DNAH11: variants seen among roughly 807,000 people sequenced by gnomAD.
DNAH11 encodes the protein axonemal beta dynein heavy chain 11.
A neutral mutation model predicts 526.0 loss-of-function variants in DNAH11; 442 were observed. That is an observed-to-expected ratio of 0.84 (90% CI 0.78 to 0.91). The LOEUF is 0.91. Ranked by LOEUF, DNAH11 falls within the 40% of genes least tolerant of loss-of-function variation. The pLI, the probability that DNAH11 is intolerant of heterozygous loss-of-function variation, is 0.00. For missense variants in DNAH11, 6,989 were observed against 5,448.7 expected (o/e 1.28, Z -8.90); for synonymous variants, 2,461 against 1,935.9 (o/e 1.27, Z -7.12).
intron 5 of DNAH11, among the ~76,000 whole-genome samples, chr7:21,562,622 G>T (rs931086112): frequency 6.6e-6 from 1 of 152,078 alleles, no homozygotes; most frequent in Non-Finnish European, 1.5e-5. Flanking sequence ...AAGGAAGAAA[G>T]CTCTTCTCAA....
chr7:21,811,013 C>G (rs922666686), intron 63 of DNAH11, among the ~76,000 whole-genome samples: 2 of 152,138 alleles, frequency 1.3e-5, no homozygotes, highest in African/African-American at 4.8e-5. Context: ...TCACATTAGC[C>G]AAAAGATGGA....
At position 21,763,116 on chromosome 7, in the gene DNAH11, GGTGGATCACGAGGTCA is replaced by G. The variant is rs903755955; in HGVS notation, c.8941-2310_8941-2295del. 3.9e-5 allele frequency among the ~76,000 whole-genome samples: 6 copies of G among 152,088 alleles called. 1 individual carries two copies. Among genetic ancestry groups the G allele is most frequent in the African/African-American group, 1.4e-4 (6 of 41,420 alleles). ...CCCAGCACTTTGAGATGCTGAGGCA[GGTGGATCACGAGGTCA>G]GGAGTTTGACACCAGCCTGGCCAAC... On this transcript the variant is annotated intron_variant, in intron 54 of 81. Transcript: ENST00000409508.
At chr7:21,683,726 TAAC>T in intron 31 of DNAH11, 55 bp from the exon 32 acceptor site, 1 of 1,473,414 alleles carries the variant, frequency 6.8e-7, no homozygotes. Context: ...ATTAGATTAA[TAAC>T]TTGTTGCCCC....
At chr7:21,751,031 A>G (rs1460416333) in intron 54 of DNAH11, among the ~76,000 whole-genome samples, 1 of 152,106 alleles carries the variant, frequency 6.6e-6, no homozygotes, top group African/African-American at 2.4e-5. Flanking sequence ...TTTAGAAGTA[A>G]CACTCAGATG....
chr7:21,750,132 G>C (rs910599730), intron 53 of DNAH11, 90 bp from the exon 54 acceptor site: 69 of 1,423,698 alleles, frequency 4.8e-5, no homozygotes, highest in Admixed American at 2.5e-4. Flanking sequence ...GCTGAACTTT[G>C]TCTTGTAAAA....
chr7:21,776,434 A>G (rs1447375579), intron 56 of DNAH11, among the ~76,000 whole-genome samples: 2 of 152,218 alleles, frequency 1.3e-5, no homozygotes, highest in Non-Finnish European at 2.9e-5. Flanking sequence ...ATCAGGTTGT[A>G]TGGAGAGCGT....
Position 21,749,781 on chromosome 7 carries a change from T to C in DNAH11, c.8777T>C (p.Ile2926Thr), listed in dbSNP as rs139760707. The change falls in exon 53 of 82, where the codon ATT (isoleucine) becomes ACT (threonine). Residue 2926 changes from isoleucine to threonine, a missense_variant. Physicochemically the swap from Ile to Thr is moderately conservative, Grantham distance 89. Coordinates refer to ENST00000409508, the MANE Select transcript of DNAH11 (RefSeq NM_001277115.2). Reference protein sequence around the residue: ...QVLDESFLVLINDLLASGEIP... With the variant: ...QVLDESFLVLTNDLLASGEIP... ...CTAGATGAGAGCTTCCTCGTGCTGATTAATGACTTGCTGGCATCAGGTGAT... is the reference window on the plus strand; with the variant it reads ...CTAGATGAGAGCTTCCTCGTGCTGACTAATGACTTGCTGGCATCAGGTGAT... 1.2e-6 allele frequency: 2 copies of C among 1,613,936 alleles called. No individual in the cohort carries two copies. Among genetic ancestry groups the C allele is most frequent in the African/African-American group, 2.7e-5 (2 of 75,056 alleles).
At chr7:21,842,197 A>T (rs1442337982) in intron 65 of DNAH11, among the ~76,000 whole-genome samples, 1 of 152,226 alleles carries the variant, frequency 6.6e-6, no homozygotes, top group Non-Finnish European at 1.5e-5. Context: ...TTAAAGTCAC[A>T]GTTTGCAAGT....
intron 25 of DNAH11, among the ~76,000 whole-genome samples, chr7:21,621,259 A>G (rs1786040802): frequency 6.6e-6 from 1 of 152,220 alleles, no homozygotes; most frequent in Admixed American, 6.5e-5. Flanking sequence ...ACACCCTCCC[A>G]AGACTAAACC....
In DNAH11 at chr7:21,683,510, A is replaced by AT. The variant is rs35803309; in HGVS notation, c.5461-273dup. Among the ~76,000 whole-genome samples, 18,915 of 152,238 alleles carry AT rather than the reference A, an allele frequency of 0.12. 1,473 individuals are homozygous for AT. The highest frequency in any genetic ancestry group is 0.22 in the African/African-American group (9,061 of 41,514). ...AGTATAAAGTTACAAGATTTATCTA[A>AT]TCCCCTGGGGTGATTCATAAAAGAG... On this transcript the variant is annotated intron_variant, in intron 31 of 81. Transcript: ENST00000409508.
At chr7:21,674,592 C>A (rs1261720546) in intron 30 of DNAH11, among the ~76,000 whole-genome samples, 1 of 152,176 alleles carries the variant, frequency 6.6e-6, no homozygotes, top group Non-Finnish European at 1.5e-5. Context: ...CTCCTAGCCT[C>A]AAGTGATCCA....
intron 65 of DNAH11, among the ~76,000 whole-genome samples, chr7:21,821,961 T>G (rs9638792): frequency 0.42 from 62,977 of 151,550 alleles, 13,995 homozygotes; most frequent in East Asian, 0.81. Context: ...AAATGCCATA[T>G]TTTTCTTTCT....
At chr7:21,790,641 C>T (rs148677392) in intron 61 of DNAH11, among the ~76,000 whole-genome samples, 1,924 of 152,126 alleles carry the variant, frequency 0.013, 43 homozygotes, top group African/African-American at 0.044. Flanking sequence ...GAAGGTGGAT[C>T]GACATGGGCT....
intron 12 of DNAH11, among the ~76,000 whole-genome samples, chr7:21,589,762 C>T (rs997379625): frequency 6.6e-5 from 10 of 151,998 alleles, no homozygotes; most frequent in Non-Finnish European, 1.0e-4. Flanking sequence ...TTGTCTTTGC[C>T]GGACAGTTTC....
intron 14 of DNAH11, among the ~76,000 whole-genome samples, chr7:21,594,771 T>C (rs1428005278): frequency 4.6e-5 from 7 of 151,338 alleles, no homozygotes; most frequent in Non-Finnish European, 1.0e-4. Context: ...GAGTGGAGAG[T>C]TGCTGAGGTG....
chr7:21,755,905 T>C (rs551707596), intron 54 of DNAH11, among the ~76,000 whole-genome samples: 3 of 152,262 alleles, frequency 2.0e-5, no homozygotes, highest in South Asian at 2.1e-4. Context: ...AAATTTCCTG[T>C]TGGTTTGCTG....
At chr7:21,788,858 T>C (rs1451059912) in intron 60 of DNAH11, among the ~76,000 whole-genome samples, 1 of 152,274 alleles carries the variant, frequency 6.6e-6, no homozygotes, top group Non-Finnish European at 1.5e-5. Flanking sequence ...AATATCTTAA[T>C]GGTGTTTGAC....
At chr7:21,674,029 TG>T (rs761369092) in intron 30 of DNAH11, among the ~76,000 whole-genome samples, 12,132 of 37,300 alleles carry the variant, frequency 0.33, 926 homozygotes, top group Admixed American at 0.53. Context: ...TGTTTTGTTT[TG>T]TGTGTGTGTG....
chr7:21,620,858 T>A (rs1184478218), intron 25 of DNAH11, among the ~76,000 whole-genome samples: 1 of 151,578 alleles, frequency 6.6e-6, no homozygotes. Flanking sequence ...AATGATGATT[T>A]CCAATTTCAT....
Sources: gnomAD v4.1 joint callset for allele counts (sites outside exome capture counted in the v4.1 genomes callset) on GRCh38, gnomAD v4.1.1 for gene constraint, MANE v1.5 for transcripts, NCBI Gene and HGNC (gene_info 2026-07-23, HGNC 2026-07-21) for gene names.